SARAF: variants seen among roughly 807,000 people sequenced by gnomAD.
SARAF encodes the protein store-operated calcium entry-associated regulatory factor.
In SARAF, 23 loss-of-function variants were observed where a neutral mutation model predicts 39.7. The observed-to-expected ratio is 0.58, with a 90% CI of 0.42 to 0.82. SARAF has a LOEUF of 0.82. SARAF is among the 40% of genes least tolerant of loss of function. The pLI is 0.00. For synonymous variants in SARAF, 175 were observed against 168.5 expected, an observed-to-expected ratio of 1.04 and a Z score of -0.30; for missense variants, 384 against 418.5, an observed-to-expected ratio of 0.92 and a Z score of 0.72.
Position 30,063,671 on chromosome 8 carries a change from C to G in SARAF, c.*217G>C. The G allele has an allele frequency of 1.7e-6, 1 of 576,312 alleles. No individual in the cohort carries two copies. Among genetic ancestry groups the G allele is most frequent in the Non-Finnish European group, 3.1e-6 (1 of 325,300 alleles). 35.7% of individuals were successfully genotyped at this position (576,312 alleles called of 1,614,324 possible). On this transcript the variant is annotated 3_prime_UTR_variant, in exon 6 of 6. Transcript: ENST00000256255. ...CACTTTCAAAAACTGCAATATACAT[C>G]TGCATGTTACACTGACATACAACAC...
rs1476221029 is a variant in SARAF, at chr8:30,066,857, T to C, written c.762A>G (p.Gln254=). 1.2e-6 allele frequency: 2 copies of C among 1,614,058 alleles called. No homozygotes were observed. The highest frequency in any genetic ancestry group is 1.7e-6 in the Non-Finnish European group (2 of 1,180,024). Residue 254 remains glutamine (Q), a synonymous_variant, in exon 4 of 6, where the codon CAA becomes CAG. Coordinates refer to ENST00000256255, the MANE Select transcript of SARAF (RefSeq NM_016127.6). ...ACCCTGGTCCTGAATTTTCATATCC[T>C]TGTTGTCCTGTAAAAGCACTGCCAA... is the stretch of plus-strand genomic sequence containing the variant. ...SGFGSAFTGQ[Q]GYENSGPGFW...
intron 4 of SARAF, among the ~76,000 whole-genome samples, chr8:30,066,443 C>T (rs987450715): frequency 1.3e-5 from 2 of 152,140 alleles, no homozygotes; most frequent in African/African-American, 4.8e-5. Context: ...CTCTTTCCAG[C>T]CTTATTTTTA....
At chr8:30,073,853 T>A in intron 2 of SARAF, 24 bp downstream of exon 2, 2 of 1,595,396 alleles carry the variant, frequency 1.3e-6, no homozygotes, top group African/African-American at 2.7e-5. Flanking sequence ...CCATTTAGAC[T>A]GCCATTACTG....
intron 3 of SARAF, among the ~76,000 whole-genome samples, chr8:30,067,208 C>T (rs1801710491): frequency 6.6e-6 from 1 of 152,160 alleles, no homozygotes. Flanking sequence ...AATCACCCCA[C>T]TTTTCAGGGT....
At chr8:30,070,134 G>A in intron 2 of SARAF, 75 bp from the exon 3 acceptor site, 1 of 1,360,812 alleles carries the variant, frequency 7.3e-7, no homozygotes, top group Non-Finnish European at 1.0e-6. Context: ...TGGGGGCCGG[G>A]CGCAGTGGCT....
chr8:30,083,087 G>C, upstream of SARAF: 1 of 586,054 alleles, frequency 1.7e-6, no homozygotes, highest in Non-Finnish European at 2.9e-6. Context: ...AGCTGCAGCC[G>C]CAACGGATCC....
intron 1 of SARAF, among the ~76,000 whole-genome samples, chr8:30,074,913 A>G (rs1250927414): frequency 2.0e-5 from 3 of 152,222 alleles, no homozygotes; most frequent in Non-Finnish European, 4.4e-5. Flanking sequence ...TATTTAAACT[A>G]TTTCACAAAC....
chr8:30,082,932 C>G lies in SARAF; in HGVS notation c.18G>C (p.Gly6=), dbSNP rs1420690791. The G allele has an allele frequency of 6.5e-7, 1 of 1,547,390 alleles. No homozygotes were observed. Among genetic ancestry groups the G allele is most frequent in the Non-Finnish European group, 8.7e-7 (1 of 1,147,288 alleles). The change falls in exon 1 of 6, where the codon GGG becomes GGC. Residue 6 remains glycine, a synonymous_variant. Coordinates refer to ENST00000256255, the MANE Select transcript of SARAF (RefSeq NM_016127.6). ...GCAAGCAGTACCCGGCCGCTCCCGG[C>G]CCGCAGGCTGCGGCCATGGCGCTCG... is the stretch of plus-strand genomic sequence containing the variant. The part of the protein sequence containing the change: MAAAC[G]PGAAGYCLLL...
intron 3 of SARAF, chr8:30,067,128 G>T: frequency 1.8e-6 from 1 of 560,396 alleles, no homozygotes; most frequent in South Asian, 2.3e-5. Flanking sequence ...GGGAGGAGAG[G>T]GATAGATTTT....
Position 30,063,661 on chromosome 8 carries a change from C to G in SARAF, c.*227G>C, listed in dbSNP as rs180860092. ...CAGTAATGATCACTTTCAAAAACTG[C>G]AATATACATCTGCATGTTACACTGA... On this transcript the variant is annotated 3_prime_UTR_variant, in exon 6 of 6. Coordinates refer to ENST00000256255, the MANE Select transcript of SARAF (RefSeq NM_016127.6). The G allele has an allele frequency of 7.2e-3, 3,989 of 554,178 alleles. 31 individuals carry two copies. The highest frequency in any genetic ancestry group is 0.04 in the Middle Eastern group (88 of 2,176). The allele number at this position is 554,178 out of a possible 1,614,324, so 34.3% of individuals were successfully genotyped here. A position where few individuals can be genotyped will look rare whatever the true frequency, so the allele number is the denominator to read the frequency against.
rs1585440677 is a variant in SARAF, at chr8:30,073,874, T to C, written c.282+3A>G. ...AGACTGCCATTACTGTAGTGGATAT[T>C]ACCTGTACATCATACCCATCCCAGC... On this transcript the variant is annotated splice_donor_region_variant and intron_variant, in intron 2 of 5. Coordinates refer to ENST00000256255, the MANE Select transcript of SARAF (RefSeq NM_016127.6). The C allele has an allele frequency of 1.2e-6, 2 of 1,613,290 alleles. No individual in the cohort carries two copies. The highest frequency in any genetic ancestry group is 1.6e-4 in the Middle Eastern group (1 of 6,062).
chr8:30,069,917 C>T lies in SARAF; in HGVS notation c.425G>A (p.Gly142Asp), dbSNP rs747238998. ...TCCAGACTCCTTCAGTTTCTGCAGG[C>T]CAAGTTCTGTATAATCTAAATTATA... is the stretch of plus-strand genomic sequence containing the variant. ...LEYNLDYTEL[G>D]LQKLKESGKQ... The change falls in exon 3 of 6, where the codon GGC (glycine) becomes GAC (aspartate). Residue 142 changes from glycine (G) to aspartate (D), a missense_variant. Coordinates refer to ENST00000256255, the MANE Select transcript of SARAF (RefSeq NM_016127.6). 4.3e-6 allele frequency: 7 copies of T among 1,613,952 alleles called. No individual in the cohort carries two copies. Among genetic ancestry groups the T allele is most frequent in the Admixed American group, 1.7e-5 (1 of 59,990 alleles).
intron 1 of SARAF, among the ~76,000 whole-genome samples, chr8:30,081,992 T>C (rs1281696375): frequency 6.6e-6 from 1 of 151,922 alleles, no homozygotes; most frequent in East Asian, 1.9e-4. Flanking sequence ...TGAAAGCCAA[T>C]GGGAAGAGCT....
chr8:30,082,523 G>A (rs373917208), intron 1 of SARAF: 1 of 253,668 alleles, frequency 3.9e-6, no homozygotes, highest in South Asian at 7.8e-5. Context: ...AGATGCGCAG[G>A]TGAGTGTCCA....
At position 30,074,065 on chromosome 8, in the gene SARAF, C is replaced by A. The variant is rs1801905148; in HGVS notation, c.104-10G>T. ...CGCAGCAACATTCTGTCTGAAACAG[C>A]AAGAAAACAGAGGAACACAAAGTAA... On this transcript the variant is annotated splice_polypyrimidine_tract_variant and intron_variant, in intron 1 of 5. Coordinates refer to ENST00000256255, the MANE Select transcript of SARAF (RefSeq NM_016127.6). The A allele has an allele frequency of 5.0e-6, 8 of 1,606,620 alleles. 1 individual carries two copies. The highest frequency in any genetic ancestry group is 3.4e-5 in the Admixed American group (2 of 59,414).
At chr8:30,068,404 G>A (rs1801741477) in intron 3 of SARAF, among the ~76,000 whole-genome samples, 1 of 152,116 alleles carries the variant, frequency 6.6e-6, no homozygotes, top group Admixed American at 6.5e-5. Context: ...CCCCCAGATG[G>A]GACCATCCAG....
At chr8:30,079,915 C>A (rs1335545926) in intron 1 of SARAF, among the ~76,000 whole-genome samples, 2 of 152,182 alleles carry the variant, frequency 1.3e-5, no homozygotes, top group African/African-American at 4.8e-5. Context: ...AGTCAAGGGA[C>A]ACAGGAGCTC....
At chr8:30,064,534 C>CATATATATATATATATATAT (rs71204255) in intron 5 of SARAF, among the ~76,000 whole-genome samples, 9 of 78,228 alleles carry the variant, frequency 1.2e-4, no homozygotes, top group East Asian at 4.6e-4. Flanking sequence ...CTTACCTAGC[C>CATATATATATATATATATAT]ATATATATAT....
chr8:30,066,237 C>T, intron 4 of SARAF, 98 bp from the exon 5 acceptor site: 1 of 1,284,870 alleles, frequency 7.8e-7, no homozygotes, highest in South Asian at 1.4e-5. Context: ...ATATCTTTAT[C>T]AAGTATTTTT....
Sources: allele counts gnomAD v4.1 joint callset (sites outside exome capture counted in the v4.1 genomes callset), GRCh38; gene constraint gnomAD v4.1.1; transcripts MANE v1.5; gene names NCBI Gene and HGNC (gene_info 2026-07-23, HGNC 2026-07-21).